MACROD2: variants seen among roughly 807,000 people sequenced by gnomAD.
MACROD2 encodes ADP-ribose glycohydrolase MACROD2.
MACROD2 carries 36 observed loss-of-function variants against 70.4 expected under a neutral mutation model. The observed-to-expected ratio is 0.51, with a 90% CI of 0.39 to 0.68. The LOEUF (loss-of-function observed/expected upper bound fraction) is 0.68, where lower values mean the gene tolerates loss of function less well. Among genes scored for constraint, MACROD2 ranks in the 30% least tolerant of loss-of-function variants. The probability of loss-of-function intolerance (pLI) is 0.00; values close to 1 mark genes in which losing one functional copy is unlikely to be tolerated. For synonymous variants in MACROD2, 172 were observed against 178.8 expected (o/e 0.96, Z 0.30); for missense variants, 496 against 538.4 (o/e 0.92, Z 0.78).
At chr20:14,528,026 A>G (rs910393359) in intron 4 of MACROD2, among the ~76,000 whole-genome samples, 2 of 152,192 alleles carry the variant, frequency 1.3e-5, no homozygotes, top group Admixed American at 6.5e-5. Context: ...AGCCATCAGT[A>G]TCATATAAAC....
At chr20:15,528,695 T>G (rs1239718574) in intron 8 of MACROD2, among the ~76,000 whole-genome samples, 1 of 151,572 alleles carries the variant, frequency 6.6e-6, no homozygotes, top group Non-Finnish European at 1.5e-5. Flanking sequence ...GAAATTAAAA[T>G]ATCTCATTTG....
At chr20:14,260,652 T>C (rs888718564) in intron 3 of MACROD2, among the ~76,000 whole-genome samples, 1 of 152,236 alleles carries the variant, frequency 6.6e-6, no homozygotes, top group Admixed American at 6.5e-5. Flanking sequence ...TAGGACACAG[T>C]CTGGACAGAC....
At chr20:16,022,047 CTTTT>C (rs543662575) in intron 15 of MACROD2, among the ~76,000 whole-genome samples, 4 of 108,950 alleles carry the variant, frequency 3.7e-5, no homozygotes, top group Non-Finnish European at 7.3e-5. Flanking sequence ...GTTTCAGTTT[CTTTT>C]TTTTTTTTTT....
At chr20:15,573,149 G>A (rs1218701438) in intron 8 of MACROD2, among the ~76,000 whole-genome samples, 1 of 152,102 alleles carries the variant, frequency 6.6e-6, no homozygotes, top group East Asian at 1.9e-4. Context: ...GTTCATTCCA[G>A]TCTCACTCAT....
At chr20:15,294,838 A>C (rs1397767710) in intron 6 of MACROD2, among the ~76,000 whole-genome samples, 1 of 152,254 alleles carries the variant, frequency 6.6e-6, no homozygotes, top group Non-Finnish European at 1.5e-5. Flanking sequence ...AACCCATTAA[A>C]AAACAAACAA....
chr20:14,992,519 G>A (rs945382091), intron 5 of MACROD2, among the ~76,000 whole-genome samples: 4 of 152,108 alleles, frequency 2.6e-5, no homozygotes, highest in Non-Finnish European at 4.4e-5. Flanking sequence ...TGACATTAGG[G>A]GCTGACTAGC....
chr20:14,494,787 C>T (rs976717803), intron 4 of MACROD2, among the ~76,000 whole-genome samples: 1 of 151,970 alleles, frequency 6.6e-6, no homozygotes, highest in Non-Finnish European at 1.5e-5. Flanking sequence ...TGTTTCATTG[C>T]ACTTGTTATT....
At chr20:14,297,919 T>C (rs746047409) in intron 3 of MACROD2, among the ~76,000 whole-genome samples, 1 of 151,814 alleles carries the variant, frequency 6.6e-6, no homozygotes, top group Non-Finnish European at 1.5e-5. Context: ...GCTAATGCAG[T>C]GGGTAGCTTT....
At chr20:15,551,117 G>A (rs1190118077) in intron 8 of MACROD2, among the ~76,000 whole-genome samples, 1 of 151,894 alleles carries the variant, frequency 6.6e-6, no homozygotes, top group Admixed American at 6.6e-5. Flanking sequence ...TGAAGCCAGG[G>A]AGGGCTGTGG....
chr20:15,016,845 T>C (rs2075125507), intron 5 of MACROD2, among the ~76,000 whole-genome samples: 1 of 152,086 alleles, frequency 6.6e-6, no homozygotes, highest in Admixed American at 6.6e-5. Context: ...GTGAGACATA[T>C]TCACTACCAC....
intron 8 of MACROD2, among the ~76,000 whole-genome samples, chr20:15,770,807 G>A (rs879433886): frequency 6.6e-6 from 1 of 152,006 alleles, no homozygotes; most frequent in Non-Finnish European, 1.5e-5. Context: ...TTAGATAAAG[G>A]GGCCACCTCC....
chr20:14,178,947 G>C (rs2081285803), intron 3 of MACROD2, among the ~76,000 whole-genome samples: 2 of 152,098 alleles, frequency 1.3e-5, no homozygotes, highest in Admixed American at 1.3e-4. Context: ...CTAATGTCTA[G>C]GCTCAGAAAT....
intron 6 of MACROD2, among the ~76,000 whole-genome samples, chr20:15,333,477 T>C (rs2078015289): frequency 6.6e-6 from 1 of 151,490 alleles, no homozygotes; most frequent in Non-Finnish European, 1.5e-5. Context: ...GGATCAGAAC[T>C]GAGAGAGAAA....
At chr20:15,797,097 CT>C (rs1293270251) in intron 8 of MACROD2, among the ~76,000 whole-genome samples, 1 of 151,790 alleles carries the variant, frequency 6.6e-6, no homozygotes, top group African/African-American at 2.4e-5. Flanking sequence ...TTTTAGGGTT[CT>C]TTTTTTGTTT....
At chr20:16,028,424 C>A (rs1036430035) in intron 15 of MACROD2, among the ~76,000 whole-genome samples, 1 of 148,410 alleles carries the variant, frequency 6.7e-6, no homozygotes, top group Non-Finnish European at 1.5e-5. Flanking sequence ...ATACTGAGTT[C>A]TCTGTAGAGT....
intron 5 of MACROD2, among the ~76,000 whole-genome samples, chr20:15,154,569 A>G (rs2076293620): frequency 6.6e-6 from 1 of 152,204 alleles, no homozygotes; most frequent in Non-Finnish European, 1.5e-5. Flanking sequence ...GGAGTCTGTT[A>G]GTTTGAGATC....
chr20:15,883,038 A>AAC (rs1198924262), intron 9 of MACROD2, among the ~76,000 whole-genome samples: 2 of 151,788 alleles, frequency 1.3e-5, no homozygotes, highest in African/African-American at 4.8e-5. Flanking sequence ...CTTAAAAAAA[A>AAC]AAACAAACAA....
At chr20:15,413,843 G>T (rs560292138) in intron 6 of MACROD2, among the ~76,000 whole-genome samples, 12 of 152,250 alleles carry the variant, frequency 7.9e-5, no homozygotes, top group African/African-American at 2.9e-4. Context: ...AGAGCCATTT[G>T]CAATTCTGAC....
intron 5 of MACROD2, among the ~76,000 whole-genome samples, chr20:15,228,559 G>A (rs571935428): frequency 2.0e-4 from 27 of 137,774 alleles, no homozygotes; most frequent in African/African-American, 6.4e-4. Context: ...GTGCAATCTC[G>A]GCTCACTGCA....
Sources: allele counts gnomAD v4.1 joint callset (sites outside exome capture counted in the v4.1 genomes callset), GRCh38; gene constraint gnomAD v4.1.1; transcripts MANE v1.5; gene names NCBI Gene and HGNC (gene_info 2026-07-23, HGNC 2026-07-21).